The following FGFR2 variants were observed in gnomAD, a reference collection of about 807,000 sequenced individuals.
FGFR2 encodes BEK fibroblast growth factor receptor.
A neutral mutation model predicts 95.9 loss-of-function variants in FGFR2; 19 were observed. The observed-to-expected ratio is 0.20, with a 90% confidence interval of 0.14 to 0.29. The LOEUF (loss-of-function observed/expected upper bound fraction) is 0.29, where lower values mean the gene tolerates loss of function less well. Ranked by LOEUF, FGFR2 falls within the 10% of genes least tolerant of loss-of-function variation. FGFR2 has a pLI of 1.00. For synonymous variants in FGFR2, 392 were observed against 393.3 expected (o/e 1.00, Z 0.04); for missense variants, 707 against 1,056.9 (o/e 0.67, Z 4.59).
intron 17 of FGFR2, chr10:121,482,188 A>T (rs2133737991): frequency 1.2e-6 from 2 of 1,612,810 alleles, no homozygotes; most frequent in Non-Finnish European, 1.7e-6. Context: ...CTGATAGGAA[A>T]AAAACAGGGA....
intron 9 of FGFR2, among the ~76,000 whole-genome samples, chr10:121,512,874 CTCTT>C (rs1281453133): frequency 2.0e-5 from 3 of 152,128 alleles, no homozygotes; most frequent in African/African-American, 7.2e-5. Flanking sequence ...TGAATTCTCT[CTCTT>C]TTTTTTTAAA....
At chr10:121,503,578 G>A (rs752529793) in intron 10 of FGFR2, among the ~76,000 whole-genome samples, 2 of 152,062 alleles carry the variant, frequency 1.3e-5, no homozygotes, top group Non-Finnish European at 2.9e-5. Context: ...CCAGCCAGGG[G>A]CAAGTAGCTC....
intron 4 of FGFR2, among the ~76,000 whole-genome samples, chr10:121,555,148 G>A (rs184382987): frequency 3.9e-5 from 6 of 152,124 alleles, no homozygotes; most frequent in Non-Finnish European, 5.9e-5. Flanking sequence ...CGAGGTGGGC[G>A]GATCACCTGA....
intron 2 of FGFR2, among the ~76,000 whole-genome samples, chr10:121,579,925 T>C (rs1426591042): frequency 6.6e-6 from 1 of 152,170 alleles, no homozygotes; most frequent in Non-Finnish European, 1.5e-5. Context: ...TTGCCACACT[T>C]ACTGTTACCT....
intron 10 of FGFR2, among the ~76,000 whole-genome samples, chr10:121,501,217 T>C (rs1847567064): frequency 6.6e-6 from 1 of 152,218 alleles, no homozygotes. Flanking sequence ...GCTAGTGCGG[T>C]GGTCAGCTTT....
At chr10:121,520,218 A>C in intron 6 of FGFR2, 49 bp from the exon 7 acceptor site, 1 of 1,561,654 alleles carries the variant, frequency 6.4e-7, no homozygotes, top group Non-Finnish European at 8.7e-7. Flanking sequence ...AGAATGAGAG[A>C]CCAATAAATA....
intron 13 of FGFR2, among the ~76,000 whole-genome samples, chr10:121,489,828 G>A (rs890007875): frequency 6.6e-6 from 1 of 152,156 alleles, no homozygotes; most frequent in African/African-American, 2.4e-5. Context: ...CATCTTCACT[G>A]TCTGCCCCTC....
chr10:121,580,117 GCA>G (rs1860602264), intron 2 of FGFR2, among the ~76,000 whole-genome samples: 1 of 152,134 alleles, frequency 6.6e-6, no homozygotes, highest in South Asian at 2.1e-4. Flanking sequence ...CCCACACTGC[GCA>G]CTTTCTGAAT....
chr10:121,540,358 T>C (rs1252048562), intron 5 of FGFR2, among the ~76,000 whole-genome samples: 1 of 152,140 alleles, frequency 6.6e-6, no homozygotes, highest in African/African-American at 2.4e-5. Context: ...GGTTGAGCCG[T>C]AGACTTGTAA....
At chr10:121,544,170 G>A (rs898449014) in intron 5 of FGFR2, among the ~76,000 whole-genome samples, 2 of 152,076 alleles carry the variant, frequency 1.3e-5, no homozygotes, top group South Asian at 2.1e-4. Context: ...ATGTGGGGCC[G>A]GGCACAGTGG....
At chr10:121,581,761 T>TTA (rs757272790) in intron 2 of FGFR2, among the ~76,000 whole-genome samples, 1 of 62,558 alleles carries the variant, frequency 1.6e-5, no homozygotes, top group African/African-American at 5.5e-5. Context: ...ACCCTGCATT[T>TTA]AAAAAAAAAA....
rs557807988 is a variant in FGFR2, at chr10:121,553,390, A to T, written c.455-1931T>A. The stretch of plus-strand genomic sequence containing the variant: ...CTATTCTTTTGAGGGTTCACCAGGG[A>T]GTACTTGATTCCCATTCATCCCAAG... On this transcript the variant is annotated intron_variant, in intron 4 of 17. Coordinates refer to ENST00000358487, the MANE Select transcript of FGFR2 (RefSeq NM_000141.5). Among the ~76,000 whole-genome samples the T allele has an allele frequency of 2.6e-5, 4 of 152,270 alleles. No homozygotes were observed. The South Asian group carries it at 8.3e-4, about 32-fold the overall frequency.
intron 5 of FGFR2, among the ~76,000 whole-genome samples, chr10:121,539,855 A>G (rs989065773): frequency 2.0e-5 from 3 of 152,252 alleles, no homozygotes; most frequent in Admixed American, 6.5e-5. Flanking sequence ...AAAGAAAATC[A>G]TCTCGTAACC....
chr10:121,493,941 T>C (rs1220142088), intron 13 of FGFR2, among the ~76,000 whole-genome samples: 1 of 151,830 alleles, frequency 6.6e-6, no homozygotes, highest in Non-Finnish European at 1.5e-5. Context: ...GATCTCTCTT[T>C]CTCTCCCTCC....
At chr10:121,565,749 G>A (rs1857584717) in intron 2 of FGFR2, 45 bp from the exon 3 acceptor site, 1 of 1,612,484 alleles carries the variant, frequency 6.2e-7, no homozygotes, top group Non-Finnish European at 8.5e-7. Flanking sequence ...ATGGGAAGGA[G>A]GGAGAGGAGA....
At chr10:121,514,548 C>A (rs3135763) in intron 9 of FGFR2, among the ~76,000 whole-genome samples, 17,795 of 152,244 alleles carry the variant, frequency 0.12, 1,440 homozygotes, top group Non-Finnish European at 0.17. Context: ...ATAATAGATG[C>A]ATACAATTCT....
chr10:121,577,684 G>C (rs1179133447), intron 2 of FGFR2, among the ~76,000 whole-genome samples: 1 of 151,984 alleles, frequency 6.6e-6, no homozygotes, highest in Non-Finnish European at 1.5e-5. Flanking sequence ...TGGCTCTTCT[G>C]GTCCTTTCCC....
intron 4 of FGFR2, among the ~76,000 whole-genome samples, chr10:121,557,092 T>C (rs907092122): frequency 1.3e-5 from 2 of 152,156 alleles, no homozygotes; most frequent in Admixed American, 1.3e-4. Context: ...CAATCAGAAA[T>C]ATATGTTTTC....
intron 9 of FGFR2, among the ~76,000 whole-genome samples, chr10:121,504,608 CTT>C (rs900201688): frequency 2.6e-5 from 4 of 152,118 alleles, no homozygotes; most frequent in Non-Finnish European, 5.9e-5. Flanking sequence ...TGGGCTGCCT[CTT>C]GTCTTCGGTT....
Sources: gnomAD v4.1 joint callset for allele counts (sites outside exome capture counted in the v4.1 genomes callset) on GRCh38, gnomAD v4.1.1 for gene constraint, MANE v1.5 for transcripts, NCBI Gene and HGNC (gene_info 2026-07-23, HGNC 2026-07-21) for gene names.